Variants in RYR3 observed in about 807,000 individuals in gnomAD.
The protein encoded by RYR3 is ryanodine receptor 3.
A neutral mutation model predicts 584.3 loss-of-function variants in RYR3; 207 were observed. The ratio of observed to expected loss-of-function variants is 0.35; its 90% CI spans 0.32 to 0.40. The LOEUF is 0.40. Ranked by LOEUF, RYR3 falls within the 10% of genes least tolerant of loss-of-function variation. RYR3 has a pLI of 1.00. For missense variants in RYR3, 5,616 were observed against 6,089.2 expected, an observed-to-expected ratio of 0.92 and a Z score of 2.59; for synonymous variants, 2,416 against 2,248.5, an observed-to-expected ratio of 1.07 and a Z score of -2.11.
At chr15:33,630,088 G>A (rs1262499040) in intron 22 of RYR3, 45 bp downstream of exon 22, 2 of 1,077,576 alleles carry the variant, frequency 1.9e-6, no homozygotes, top group African/African-American at 3.2e-5. Flanking sequence ...ATGAATAGAT[G>A]ATTTAATGCA....
Position 33,772,085 on chromosome 15 carries a change from A to G in RYR3, c.8982A>G (p.Thr2994=), listed in dbSNP as rs752821830. ...KGVSQNINYT[T]VALLPILTSI... is the part of the protein sequence containing the mutation. ...TTTCTCAGAATATTAACTACACTAC[A>G]GTGGCTCTGCTCCCCATCCTGACGT... Residue 2994 remains threonine, a synonymous_variant, in exon 63 of 104, where the codon ACA becomes ACG. Coordinates refer to ENST00000634891, the MANE Select transcript of RYR3 (RefSeq NM_001036.6). 3.7e-6 allele frequency: 6 copies of G among 1,613,830 alleles called. No homozygotes were observed. The South Asian group carries it at 6.6e-5, about 18-fold the overall frequency.
intron 28 of RYR3, among the ~76,000 whole-genome samples, chr15:33,645,619 CCAGGACAAGAA>C (rs2062058263): frequency 6.6e-6 from 1 of 152,088 alleles, no homozygotes; most frequent in Non-Finnish European, 1.5e-5. Context: ...CTTATAGGAC[CCAGGACAAGAA>C]CAGTTCTATA....
At chr15:33,779,747 A>G (rs2074263342) in intron 64 of RYR3, among the ~76,000 whole-genome samples, 1 of 152,174 alleles carries the variant, frequency 6.6e-6, no homozygotes, top group Non-Finnish European at 1.5e-5. Flanking sequence ...TCACGCCTGT[A>G]GTCCCAGCAC....
intron 103 of RYR3, among the ~76,000 whole-genome samples, chr15:33,864,489 G>A (rs1332211442): frequency 6.6e-6 from 1 of 152,136 alleles, no homozygotes; most frequent in East Asian, 1.9e-4. Context: ...AATGGAGTGG[G>A]TGGCTGCAAC....
chr15:33,643,468 T>C (rs2061940915), intron 27 of RYR3, among the ~76,000 whole-genome samples: 1 of 152,166 alleles, frequency 6.6e-6, no homozygotes, highest in Non-Finnish European at 1.5e-5. Context: ...AAGCTACAGA[T>C]GTGAGTTTGG....
intron 81 of RYR3, among the ~76,000 whole-genome samples, chr15:33,824,516 A>C (rs950965900): frequency 1.3e-5 from 2 of 152,230 alleles, no homozygotes; most frequent in African/African-American, 4.8e-5. Flanking sequence ...CTGACGGCTA[A>C]ACCAAAGTAG....
intron 38 of RYR3, among the ~76,000 whole-genome samples, chr15:33,686,186 T>C (rs1290319518): frequency 6.6e-6 from 1 of 151,506 alleles, no homozygotes; most frequent in South Asian, 2.1e-4. Flanking sequence ...GCTAGCAAGA[T>C]TAATAAGAAA....
Position 33,348,112 on chromosome 15 carries a change from C to T in RYR3, c.51+37016C>T, listed in dbSNP as rs147431560. Among the ~76,000 whole-genome samples the T allele has an allele frequency of 2.4e-3, 364 of 152,316 alleles. 2 individuals are homozygous for T. The highest frequency in any genetic ancestry group is 3.9e-3 in the Non-Finnish European group (265 of 68,032). On this transcript the variant is annotated intron_variant, in intron 1 of 103. Transcript: ENST00000634891. ...ATATCTTCAACTCTATACATTATCA[C>T]ATGGATTATTCTGGCCTTCTCCCTT...
chr15:33,654,271 T>C (rs1021774548), intron 32 of RYR3, among the ~76,000 whole-genome samples: 1 of 152,086 alleles, frequency 6.6e-6, no homozygotes, highest in African/African-American at 2.4e-5. Context: ...TCCAGTATCT[T>C]GGGGAGGCCG....
intron 27 of RYR3, among the ~76,000 whole-genome samples, chr15:33,640,010 G>A (rs1420998155): frequency 6.6e-6 from 1 of 151,976 alleles, no homozygotes; most frequent in Non-Finnish European, 1.5e-5. Flanking sequence ...AGGCTTTGGT[G>A]TGGTCTCCTG....
chr15:33,522,669 CA>C (rs1221418678), intron 3 of RYR3, among the ~76,000 whole-genome samples: 3 of 151,928 alleles, frequency 2.0e-5, no homozygotes, highest in Non-Finnish European at 4.4e-5. Flanking sequence ...CTATCTGATC[CA>C]AAAAAGGTGG....
chr15:33,373,100 G>C (rs1376954968), intron 1 of RYR3, among the ~76,000 whole-genome samples: 1 of 152,164 alleles, frequency 6.6e-6, no homozygotes, highest in East Asian at 1.9e-4. Context: ...TTTACTTTGA[G>C]TTAGGTTTTC....
chr15:33,807,332 G>A (rs2076264471), intron 69 of RYR3, among the ~76,000 whole-genome samples: 1 of 152,130 alleles, frequency 6.6e-6, no homozygotes, highest in Non-Finnish European at 1.5e-5. Context: ...TTGATTGTTT[G>A]GTCTGGGTAT....
At chr15:33,685,326 A>G (rs1439850636) in intron 38 of RYR3, among the ~76,000 whole-genome samples, 7 of 152,230 alleles carry the variant, frequency 4.6e-5, no homozygotes, top group Non-Finnish European at 5.9e-5. Flanking sequence ...CTTTAAACCA[A>G]CAAAGATCAA....
intron 32 of RYR3, among the ~76,000 whole-genome samples, chr15:33,656,992 T>C (rs1046341091): frequency 6.6e-6 from 1 of 152,184 alleles, no homozygotes; most frequent in African/African-American, 2.4e-5. Flanking sequence ...CCGTGCAACA[T>C]AGCATGATCA....
chr15:33,410,731 C>T (rs978575278), intron 1 of RYR3, among the ~76,000 whole-genome samples: 6 of 152,176 alleles, frequency 3.9e-5, no homozygotes, highest in Non-Finnish European at 7.3e-5. Flanking sequence ...GGGTGGAAGG[C>T]CACGAGAGGA....
At chr15:33,654,110 G>A (rs2062673800) in intron 32 of RYR3, among the ~76,000 whole-genome samples, 1 of 152,172 alleles carries the variant, frequency 6.6e-6, no homozygotes, top group Non-Finnish European at 1.5e-5. Context: ...AGTATTTGTA[G>A]ACAGAGAACG....
intron 28 of RYR3, among the ~76,000 whole-genome samples, chr15:33,645,119 G>T (rs997746297): frequency 6.6e-6 from 1 of 152,070 alleles, no homozygotes; most frequent in Non-Finnish European, 1.5e-5. Flanking sequence ...TTGATGTCTT[G>T]TAGGACCTAT....
chr15:33,752,631 C>T (rs1389917766), intron 57 of RYR3, among the ~76,000 whole-genome samples: 1 of 152,176 alleles, frequency 6.6e-6, no homozygotes, highest in Non-Finnish European at 1.5e-5. Flanking sequence ...AGATTTGGGG[C>T]TGAGTTGATG....
Sources: allele counts gnomAD v4.1 joint callset (sites outside exome capture counted in the v4.1 genomes callset), GRCh38; gene constraint gnomAD v4.1.1; transcripts MANE v1.5; gene names NCBI Gene and HGNC (gene_info 2026-07-23, HGNC 2026-07-21).